The following TNPO2 variants were observed in gnomAD, a reference collection of about 807,000 sequenced individuals.
The protein encoded by TNPO2 is transportin 2.
A neutral mutation model predicts 111.1 loss-of-function variants in TNPO2; 16 were observed. The ratio of observed to expected loss-of-function variants is 0.14; its 90% confidence interval spans 0.10 to 0.22. The LOEUF (loss-of-function observed/expected upper bound fraction) is 0.22, where lower values mean the gene tolerates loss of function less well. Ranked by LOEUF, TNPO2 falls within the 10% of genes least tolerant of loss-of-function variation. The probability of loss-of-function intolerance (pLI) is 1.00; values close to 1 mark genes in which losing one functional copy is unlikely to be tolerated. For synonymous variants in TNPO2, 481 were observed against 475.8 expected, an observed-to-expected ratio of 1.01 and a Z score of -0.14; for missense variants, 530 against 1,173.7, an observed-to-expected ratio of 0.45 and a Z score of 8.01.
Position 12,721,324 on chromosome 19 carries a change from C to T in TNPO2, c.-13-334G>A, listed in dbSNP as rs923248485. The T allele has an allele frequency of 7.8e-7, 1 of 1,283,274 alleles. No individual in the cohort carries two copies. The highest frequency in any genetic ancestry group is 2.3e-4 in the Middle Eastern group (1 of 4,374). 79.5% of individuals were successfully genotyped at this position (1,283,274 alleles called of 1,614,324 possible). ...ACCCCGGCTCCGAGCCCGAAGGCTT[C>T]CACCTCCCTCGCAGCGGCTGGGCGA... On this transcript the variant is annotated intron_variant, in intron 2 of 25. Transcript: ENST00000425528. The surrounding 1 kb of genome is among the most constrained non-coding windows in gnomAD (Gnocchi z 4.9).
intron 10 of TNPO2, 30 bp downstream of exon 10, chr19:12,714,791 G>A (rs748287684): frequency 6.3e-7 from 1 of 1,586,320 alleles, no homozygotes; most frequent in Non-Finnish European, 8.7e-7. Context: ...TCGAAGCTGG[G>A]GTAGGACAGT....
chr19:12,709,067 A>G (rs944680283), intron 13 of TNPO2, among the ~76,000 whole-genome samples: 1 of 151,130 alleles, frequency 6.6e-6, no homozygotes, highest in Non-Finnish European at 1.5e-5. Context: ...AAAAGAGGCC[A>G]GGCGTGGTGG....
At chr19:12,717,268 CT>C (rs554725285) in intron 5 of TNPO2, among the ~76,000 whole-genome samples, 1,678 of 122,368 alleles carry the variant, frequency 0.014, 24 homozygotes, top group African/African-American at 0.046. Flanking sequence ...CTTTTTCTCT[CT>C]TTTTTTTTTT....
At chr19:12,711,741 C>G (rs2026061284) in intron 10 of TNPO2, 128 bp from the exon 11 acceptor site, 1 of 727,008 alleles carries the variant, frequency 1.4e-6, no homozygotes, top group Non-Finnish European at 2.4e-6. Context: ...ACAGAGCAGA[C>G]CCTGCAGAGC....
In TNPO2 at chr19:12,715,199, G is replaced by A. The variant is rs546714880; in HGVS notation, c.649-30C>T. On this transcript the variant is annotated intron_variant, in intron 8 of 25. Coordinates refer to ENST00000425528, the MANE Select transcript of TNPO2 (RefSeq NM_001382241.1). The surrounding 1 kb of genome is among the most constrained non-coding windows in gnomAD (Gnocchi z 7.1). ...AGGGAGGAACAGGGTCAGTTGTAGGGGCCCTCAGTCCTCGCCCTGCCCACC... is the reference window on the plus strand; with the variant it reads ...AGGGAGGAACAGGGTCAGTTGTAGGAGCCCTCAGTCCTCGCCCTGCCCACC... 3.1e-6 allele frequency: 5 copies of A among 1,613,776 alleles called. No individual in the cohort carries two copies. The highest frequency in any genetic ancestry group is 2.2e-5 in the East Asian group (1 of 44,882).
In TNPO2 at chr19:12,714,099, G is replaced by T. The variant is rs1214685488; in HGVS notation, c.890+722C>A. Reference sequence around the variant, plus strand: ...AGTTTGTCAAGGAGGGTCAGTTTTAGGACTTTTGTTGGAAACACTGGTCGA... The same window carrying T: ...AGTTTGTCAAGGAGGGTCAGTTTTATGACTTTTGTTGGAAACACTGGTCGA... On this transcript the variant is annotated intron_variant, in intron 10 of 25. Transcript: ENST00000425528. Among the ~76,000 whole-genome samples, 3 of 152,068 alleles carry T rather than the reference G, an allele frequency of 2.0e-5. No homozygotes were observed. In the East Asian group the frequency reaches 5.8e-4, roughly 29 times the overall value.
rs2026666573 is a variant in TNPO2 at position 12,721,108 on chromosome 19, G to A, written c.-13-118C>T. 2 of 1,522,364 alleles carry A rather than the reference G, an allele frequency of 1.3e-6. No individual in the cohort carries two copies. The highest frequency in any genetic ancestry group is 1.8e-6 in the Non-Finnish European group (2 of 1,141,076). 94.3% of individuals were successfully genotyped at this position (1,522,364 alleles called of 1,614,324 possible). A position where few individuals can be genotyped will look rare whatever the true frequency, so the allele number is the denominator to read the frequency against. ...ACGGGAACGCCCTCGGCGGACAGGC[G>A]GAGGCCTCCGATCCACGCCCGCCCA... On this transcript the variant is annotated intron_variant, in intron 2 of 25. Transcript: ENST00000425528. This position sits in a 1 kb window ranked among gnomAD's most constrained non-coding sequence, Gnocchi z 4.9.
At chr19:12,718,736 C>T (rs776661985) in intron 5 of TNPO2, among the ~76,000 whole-genome samples, 1 of 152,180 alleles carries the variant, frequency 6.6e-6, no homozygotes, top group Non-Finnish European at 1.5e-5. Flanking sequence ...AGCCCAAGGC[C>T]GAACACAAAA....
Position 12,720,877 on chromosome 19 carries a change from A to G in TNPO2, c.99+2T>C. 2.5e-6 allele frequency: 4 copies of G among 1,596,812 alleles called. No homozygotes were observed. Among genetic ancestry groups the G allele is most frequent in the Non-Finnish European group, 3.4e-6 (4 of 1,172,496 alleles). On this transcript the variant is annotated splice_donor_variant, in intron 3 of 25. Transcript: ENST00000425528. LOFTEE classifies it high-confidence loss of function. The stretch of plus-strand genomic sequence containing the variant: ...CCCAGCCCCGGAAGGAAGGAAGGAT[A>G]CATCCTGCACGATGCGCTGAGTGGC...
intron 2 of TNPO2, chr19:12,722,654 A>G (rs1335068748): frequency 6.6e-6 from 1 of 151,272 alleles, no homozygotes; most frequent in Non-Finnish European, 1.5e-5. Context: ...TACTCCGTTC[A>G]AACTGGTCCC....
chr19:12,711,187 C>T, intron 12 of TNPO2, 109 bp downstream of exon 12: 1 of 1,458,664 alleles, frequency 6.9e-7, no homozygotes, highest in Non-Finnish European at 9.3e-7. Context: ...AGCCACTGCG[C>T]CCGGCCACGA....
At position 12,699,419 on chromosome 19, in the gene TNPO2, CA is replaced by C. The variant is rs2025173215; in HGVS notation, c.*1844del. The C allele has an allele frequency of 6.8e-6, 1 of 146,156 alleles. No individual in the cohort carries two copies. Among genetic ancestry groups the C allele is most frequent in the Admixed American group, 7.5e-5 (1 of 13,256 alleles). The allele number at this position is 146,156 out of a possible 1,614,324, so 9.1% of individuals were successfully genotyped here. A position where few individuals can be genotyped will look rare whatever the true frequency, so the allele number is the denominator to read the frequency against. ...GTTGAGAAGCTGAAACTTCATTGTG[CA>C]AAAAACAACCAAAAATAAATTAAAA... On this transcript the variant is annotated 3_prime_UTR_variant, in exon 26 of 26. Transcript: ENST00000425528.
At position 12,720,000 on chromosome 19, in the gene TNPO2, C is replaced by T. The variant is rs73002402; in HGVS notation, c.100-664G>A. Among the ~76,000 whole-genome samples the T allele has an allele frequency of 0.011, 1,637 of 150,192 alleles. 11 individuals carry two copies. Among genetic ancestry groups the T allele is most frequent in the Non-Finnish European group, 0.017 (1,121 of 67,698 alleles). On this transcript the variant is annotated intron_variant, in intron 3 of 25. Coordinates refer to ENST00000425528, the MANE Select transcript of TNPO2 (RefSeq NM_001382241.1). This position sits in a 1 kb window ranked among gnomAD's most constrained non-coding sequence, Gnocchi z 5.0. ...AGGGAATCCAAATTTTGGGGTGAGTCATGCTCATGGTTTAAATATTTATTT... is the reference window on the plus strand; with the variant it reads ...AGGGAATCCAAATTTTGGGGTGAGTTATGCTCATGGTTTAAATATTTATTT...
At chr19:12,718,917 A>G in intron 5 of TNPO2, 112 bp downstream of exon 5, 3 of 1,363,384 alleles carry the variant, frequency 2.2e-6, no homozygotes, top group Non-Finnish European at 3.0e-6. Flanking sequence ...TGGCAATAGT[A>G]ATAGTACTAC....
Position 12,699,986 on chromosome 19 carries a change from T to G in TNPO2, c.*1278A>C, listed in dbSNP as rs766666569. 6.6e-6 allele frequency: 1 copy of G among 152,174 alleles called. No individual in the cohort carries two copies. The highest frequency in any genetic ancestry group is 1.5e-5 in the Non-Finnish European group (1 of 68,048). 9.4% of individuals were successfully genotyped at this position (152,174 alleles called of 1,614,324 possible). ...CCCAGTTTTCTGGCCAACTGGGAAG[T>G]AACTACACCCCCACCCTCTCTAGGG... On this transcript the variant is annotated 3_prime_UTR_variant, in exon 26 of 26. Coordinates refer to ENST00000425528, the MANE Select transcript of TNPO2 (RefSeq NM_001382241.1).
rs915917316 is a variant in TNPO2 at position 12,719,356 on chromosome 19, C to T, written c.100-20G>A. On this transcript the variant is annotated intron_variant, in intron 3 of 25. Transcript: ENST00000425528. This position sits in a 1 kb window ranked among gnomAD's most constrained non-coding sequence, Gnocchi z 5.0. ...GAGTTTCTGCCAGGCTGTTAAGGGACTTGGAAGACAGAGGCCTTCCCCCAG... is the reference window on the plus strand; with the variant it reads ...GAGTTTCTGCCAGGCTGTTAAGGGATTTGGAAGACAGAGGCCTTCCCCCAG... 1 of 1,611,652 alleles carries T rather than the reference C, an allele frequency of 6.2e-7. No homozygotes were observed. The highest frequency in any genetic ancestry group is 8.5e-7 in the Non-Finnish European group (1 of 1,178,016).
Position 12,715,469 on chromosome 19 carries a change from T to C in TNPO2, c.502A>G (p.Arg168Gly). The C allele has an allele frequency of 6.2e-7, 1 of 1,613,888 alleles. No homozygotes were observed. The highest frequency in any genetic ancestry group is 8.5e-7 in the Non-Finnish European group (1 of 1,179,860). Residue 168 changes from arginine (R) to glycine (G), a missense_variant, in exon 7 of 26, where the codon AGG becomes GGG. Coordinates refer to ENST00000425528, the MANE Select transcript of TNPO2 (RefSeq NM_001382241.1). The surrounding 1 kb of genome is among the most constrained non-coding windows in gnomAD (Gnocchi z 7.1). ...SELLDSDALN[R>G]PLNIMIPKFL... ...TTGGGGATCATGATGTTGAGGGGCC[T>C]GTTGAGGGCGTCACTGTCCAGAAGC...
Position 12,720,998 on chromosome 19 carries a change from G to A in TNPO2, c.-13-8C>T. The A allele has an allele frequency of 9.6e-6, 15 of 1,557,192 alleles. No individual in the cohort carries two copies. The highest frequency in any genetic ancestry group is 1.2e-5 in the Non-Finnish European group (14 of 1,155,622). On this transcript the variant is annotated splice_region_variant and splice_polypyrimidine_tract_variant and intron_variant, in intron 2 of 25. Transcript: ENST00000425528. ...TCCATGGCGCAAGGCAAGCTGCGGA[G>A]GTAGGGGCCGGGGTCAGCGCTGGGT...
chr19:12,701,809 G>A lies in TNPO2; in HGVS notation c.2454C>T (p.Asp818=). ...TCATGCAGATGCCGCGGAAGGCTGA[G>A]TCCTTCTCCTCGTTGTCCCTGATGT... ...LRNIRDNEEK[D]SAFRGICMMI... is the part of the protein sequence containing the mutation. The change falls in exon 23 of 26, where the codon GAC becomes GAT. Residue 818 remains aspartate, a synonymous_variant. Transcript: ENST00000425528. This position sits in a 1 kb window ranked among gnomAD's most constrained non-coding sequence, Gnocchi z 5.0. 6.2e-7 allele frequency: 1 copy of A among 1,613,894 alleles called. No homozygotes were observed. Among genetic ancestry groups the A allele is most frequent in the Non-Finnish European group, 8.5e-7 (1 of 1,179,876 alleles).
Sources: gnomAD v4.1 joint callset for allele counts (sites outside exome capture counted in the v4.1 genomes callset) on GRCh38, gnomAD v4.1.1 for gene constraint, Gnocchi (gnomAD v3.1) non-coding constraint, MANE v1.5 for transcripts, NCBI Gene and HGNC (gene_info 2026-07-23, HGNC 2026-07-21) for gene names.